The following CCDC171 variants were observed in gnomAD, a reference collection of about 807,000 sequenced individuals.
CCDC171 encodes coiled-coil domain-containing protein 171.
A neutral mutation model predicts 168.2 loss-of-function variants in CCDC171; 177 were observed. The observed-to-expected ratio is 1.05, with a 90% CI of 0.93 to 1.19. The LOEUF (loss-of-function observed/expected upper bound fraction) is 1.19. CCDC171 is among the 50% of genes most tolerant of loss of function. The pLI, the probability that CCDC171 is intolerant of heterozygous loss-of-function variation, is 0.00. For synonymous variants in CCDC171, 687 were observed against 540.8 expected (o/e 1.27, Z -3.75); for missense variants, 1,991 against 1,539.0 (o/e 1.29, Z -4.91).
At chr9:15,855,880 C>T (rs771892379) in intron 23 of CCDC171, among the ~76,000 whole-genome samples, 2 of 151,752 alleles carry the variant, frequency 1.3e-5, no homozygotes, top group African/African-American at 4.8e-5. Context: ...ATTGTGTGCC[C>T]GTCAACATAG....
chr9:15,937,416 G>A (rs1827234920), intron 25 of CCDC171, among the ~76,000 whole-genome samples: 1 of 151,734 alleles, frequency 6.6e-6, no homozygotes, highest in Non-Finnish European at 1.5e-5. Flanking sequence ...CACCTTCCAG[G>A]GAAGTAAAAG....
intron 11 of CCDC171, among the ~76,000 whole-genome samples, chr9:15,708,763 G>T (rs1482811254): frequency 6.6e-6 from 1 of 152,148 alleles, no homozygotes; most frequent in African/African-American, 2.4e-5. Flanking sequence ...CCAGGGAGTA[G>T]ATTGGGAGAT....
At chr9:16,076,378 GT>G in the CCDC171 span, among the ~76,000 whole-genome samples, 3 of 152,176 alleles carry the variant, frequency 2.0e-5, no homozygotes, top group Admixed American at 6.5e-5. Flanking sequence ...GTTCCCCACA[GT>G]TTCTATTTGA....
Position 15,989,158 on chromosome 9 carries a change from C to A in CCDC171, n.369-31431C>A, listed in dbSNP as rs182766978. Among the ~76,000 whole-genome samples the A allele has an allele frequency of 2.6e-5, 4 of 152,298 alleles. No homozygotes were observed. In the East Asian group the frequency reaches 7.7e-4, roughly 29 times the overall value. Reference sequence around the variant, plus strand: ...AAGTGGGTCGCTGACCCCCGAGTAGCCTAACTGGGAGGCATCCCCCAGTAG... The same window carrying A: ...AAGTGGGTCGCTGACCCCCGAGTAGACTAACTGGGAGGCATCCCCCAGTAG... On this transcript the variant is annotated intron_variant and non_coding_transcript_variant, in intron 3 of 9. Transcript: ENST00000486641.
At chr9:16,080,741 C>T in the CCDC171 span, among the ~76,000 whole-genome samples, 7 of 152,112 alleles carry the variant, frequency 4.6e-5, no homozygotes, top group East Asian at 1.9e-4. Context: ...TGTCTCTGCG[C>T]CCCTATCTAG....
intron 18 of CCDC171, among the ~76,000 whole-genome samples, chr9:15,767,821 T>TCCCCCCCC (rs74194844): frequency 3.6e-4 from 1 of 2,772 alleles, no homozygotes; most frequent in Non-Finnish European, 6.4e-4. Context: ...TTCTTTTCTT[T>TCCCCCCCC]TCTTTCCCTC....
chr9:15,951,476 C>T (rs1419620557), intron 25 of CCDC171, among the ~76,000 whole-genome samples: 3 of 152,112 alleles, frequency 2.0e-5, no homozygotes, highest in African/African-American at 7.2e-5. Flanking sequence ...TCTCCATCTT[C>T]CATTTGCTTG....
chr9:15,798,377 T>TA (rs2058660630), intron 21 of CCDC171, among the ~76,000 whole-genome samples: 3 of 152,152 alleles, frequency 2.0e-5, no homozygotes, highest in Non-Finnish European at 4.4e-5. Flanking sequence ...TTTGCTAACT[T>TA]ATTCTATTTT....
chr9:15,720,037 A>G (rs1343445570), intron 11 of CCDC171, among the ~76,000 whole-genome samples: 1 of 152,160 alleles, frequency 6.6e-6, no homozygotes, highest in Non-Finnish European at 1.5e-5. Flanking sequence ...CCTAGCTGTC[A>G]TATGTGTTGT....
At chr9:15,692,378 A>T (rs917095058) in intron 10 of CCDC171, among the ~76,000 whole-genome samples, 1 of 152,018 alleles carries the variant, frequency 6.6e-6, no homozygotes, top group Non-Finnish European at 1.5e-5. Context: ...AAAAAAAAAA[A>T]AGACAAGTCA....
At chr9:15,577,857 T>G (rs1210486773) in intron 3 of CCDC171, among the ~76,000 whole-genome samples, 2 of 152,170 alleles carry the variant, frequency 1.3e-5, no homozygotes, top group African/African-American at 2.4e-5. Flanking sequence ...CTGCTCAAGG[T>G]AGATCTAGAA....
chr9:15,906,679 C>T (rs1309096923), intron 24 of CCDC171, among the ~76,000 whole-genome samples: 8 of 152,104 alleles, frequency 5.3e-5, no homozygotes, highest in African/African-American at 1.4e-4. Flanking sequence ...CCAGGGCAAT[C>T]AGGCAGGAGA....
intron 11 of CCDC171, among the ~76,000 whole-genome samples, chr9:15,719,090 A>G (rs904067935): frequency 6.6e-6 from 1 of 152,146 alleles, no homozygotes; most frequent in Non-Finnish European, 1.5e-5. Context: ...TTAATATAAC[A>G]CAGAGAAGTA....
At chr9:15,761,210 C>T (rs981552188) in intron 18 of CCDC171, among the ~76,000 whole-genome samples, 1 of 152,120 alleles carries the variant, frequency 6.6e-6, no homozygotes, top group East Asian at 1.9e-4. Flanking sequence ...CCCAAATATA[C>T]CCCTGCTAGT....
chr9:15,873,516 A>G (rs1376402094), intron 23 of CCDC171, among the ~76,000 whole-genome samples: 1 of 152,070 alleles, frequency 6.6e-6, no homozygotes, highest in African/African-American at 2.4e-5. Context: ...TTTATTAAGT[A>G]TATGGTAACA....
chr9:15,847,042 T>C (rs2060928504), intron 22 of CCDC171, among the ~76,000 whole-genome samples, 195 bp downstream of exon 22: 1 of 152,114 alleles, frequency 6.6e-6, no homozygotes, highest in Non-Finnish European at 1.5e-5. Context: ...TTGAGAAACC[T>C]CAGAAAAGTA....
intron 9 of CCDC171, among the ~76,000 whole-genome samples, chr9:15,673,321 T>C (rs1287820597): frequency 6.6e-6 from 1 of 152,234 alleles, no homozygotes; most frequent in African/African-American, 2.4e-5. Flanking sequence ...ACTTCCTCTT[T>C]TCCTAATTGA....
At chr9:16,067,602 C>T in the CCDC171 span, among the ~76,000 whole-genome samples, 7 of 152,116 alleles carry the variant, frequency 4.6e-5, no homozygotes, top group South Asian at 2.1e-4. Flanking sequence ...TTAGGTCTAA[C>T]GTTTAAGTCT....
intron 18 of CCDC171, among the ~76,000 whole-genome samples, chr9:15,748,652 A>AGT (rs1218099026): frequency 2.0e-5 from 3 of 152,216 alleles, no homozygotes; most frequent in Non-Finnish European, 4.4e-5. Flanking sequence ...GCCAGAAGAG[A>AGT]GTGGGGGGCC....
Sources: allele counts gnomAD v4.1 joint callset (sites outside exome capture counted in the v4.1 genomes callset), GRCh38; gene constraint gnomAD v4.1.1; transcripts MANE v1.5; gene names NCBI Gene and HGNC (gene_info 2026-07-23, HGNC 2026-07-21).